The following ZPBP variants were observed in gnomAD, a reference collection of about 807,000 sequenced individuals.
ZPBP encodes zona pellucida-binding protein 1.
Under a neutral mutation model 44.8 loss-of-function variants are expected in ZPBP, and 26 were observed. The observed-to-expected ratio is 0.58, with a 90% CI of 0.43 to 0.81. ZPBP has a LOEUF of 0.81. Ranked by LOEUF, ZPBP falls within the 30% of genes least tolerant of loss-of-function variation. ZPBP has a pLI of 0.00. For synonymous variants in ZPBP, 174 were observed against 153.2 expected (o/e 1.14, Z -1.00); for missense variants, 409 against 434.0 (o/e 0.94, Z 0.51).
chr7:50,076,643 A>G (rs6583425), intron 3 of ZPBP, among the ~76,000 whole-genome samples: 118,508 of 151,542 alleles, frequency 0.78, 46,410 homozygotes, highest in East Asian at 0.88. Flanking sequence ...AAGTAATCCC[A>G]TTTACAACAG....
At chr7:49,973,554 A>G (rs1796383562) in intron 7 of ZPBP, among the ~76,000 whole-genome samples, 1 of 152,154 alleles carries the variant, frequency 6.6e-6, no homozygotes. Context: ...TTCTCCAAAG[A>G]AGATATACAA....
At chr7:49,877,869 T>C (rs1295270585) in intron 2 of ZPBP, among the ~76,000 whole-genome samples, 2 of 152,184 alleles carry the variant, frequency 1.3e-5, no homozygotes, top group African/African-American at 2.4e-5. Flanking sequence ...AACTGCCACT[T>C]TGTCATCATC....
intron 2 of ZPBP, among the ~76,000 whole-genome samples, chr7:49,859,363 CA>C (rs1790556476): frequency 6.6e-6 from 1 of 152,042 alleles, no homozygotes; most frequent in South Asian, 2.1e-4. Context: ...CCTTAGGTAA[CA>C]AGGCTGTTCT....
intron 4 of ZPBP, among the ~76,000 whole-genome samples, chr7:50,036,304 C>T (rs1799824182): frequency 6.6e-6 from 1 of 152,152 alleles, no homozygotes; most frequent in African/African-American, 2.4e-5. Flanking sequence ...CAGGCGCCTG[C>T]CACTGAGCTG....
intron 6 of ZPBP, among the ~76,000 whole-genome samples, chr7:50,000,040 C>T (rs1322123091): frequency 6.6e-6 from 1 of 151,934 alleles, no homozygotes; most frequent in Non-Finnish European, 1.5e-5. Context: ...AGATGTAAGG[C>T]TTCTACACTT....
chr7:49,863,211 A>G (rs1338213651), intron 2 of ZPBP, among the ~76,000 whole-genome samples: 1 of 152,074 alleles, frequency 6.6e-6, no homozygotes, highest in South Asian at 2.1e-4. Flanking sequence ...GTTTCTAGGA[A>G]TTTGTCCATT....
At chr7:49,883,274 C>A (rs996069290) in intron 2 of ZPBP, among the ~76,000 whole-genome samples, 24 of 151,898 alleles carry the variant, frequency 1.6e-4, no homozygotes, top group Admixed American at 1.4e-3. Flanking sequence ...CCAGAATAGG[C>A]GAATCCAGGG....
intron 5 of ZPBP, 152 bp from the exon 6 acceptor site, chr7:50,018,468 A>G: frequency 1.7e-6 from 1 of 581,032 alleles, no homozygotes. Context: ...TCAGCAAAAA[A>G]CCTAAGTCAA....
intron 7 of ZPBP, among the ~76,000 whole-genome samples, chr7:49,952,369 T>C (rs1315858566): frequency 6.6e-6 from 1 of 152,106 alleles, no homozygotes; most frequent in East Asian, 1.9e-4. Context: ...GTGGATTTAA[T>C]GAATGACATA....
chr7:50,044,149 G>C (rs1395491026), intron 4 of ZPBP, among the ~76,000 whole-genome samples: 4 of 152,070 alleles, frequency 2.6e-5, no homozygotes, highest in Non-Finnish European at 5.9e-5. Flanking sequence ...AGAATCTCTG[G>C]GACACAGCTA....
intron 2 of ZPBP, among the ~76,000 whole-genome samples, chr7:49,881,906 C>G (rs1338321095): frequency 6.6e-6 from 1 of 151,914 alleles, no homozygotes; most frequent in African/African-American, 2.4e-5. Context: ...TAGGTATACT[C>G]AATTTCCAAT....
intron 2 of ZPBP, among the ~76,000 whole-genome samples, chr7:49,890,721 A>C (rs1001850984): frequency 2.7e-5 from 2 of 74,938 alleles, no homozygotes; most frequent in Admixed American, 2.2e-4. Context: ...ATTAAAACAC[A>C]AAGCAAAACA....
At chr7:49,945,942 G>A (rs1237230448) in intron 7 of ZPBP, among the ~76,000 whole-genome samples, 2 of 151,782 alleles carry the variant, frequency 1.3e-5, no homozygotes, top group African/African-American at 4.8e-5. Context: ...TTTTAGTGAA[G>A]GTGATTTTCT....
chr7:49,990,911 A>G (rs1797542452), intron 6 of ZPBP, among the ~76,000 whole-genome samples: 1 of 152,170 alleles, frequency 6.6e-6, no homozygotes, highest in Non-Finnish European at 1.5e-5. Context: ...GAAGGCAGCA[A>G]CTAGCATTAT....
chr7:50,005,321 A>C (rs997822312), intron 6 of ZPBP, among the ~76,000 whole-genome samples: 21 of 152,030 alleles, frequency 1.4e-4, no homozygotes, highest in Non-Finnish European at 2.4e-4. Context: ...TAAAAATATA[A>C]AGTAATTCTG....
chr7:50,085,632 C>T (rs1326878621), intron 2 of ZPBP, among the ~76,000 whole-genome samples: 2 of 152,026 alleles, frequency 1.3e-5, no homozygotes, highest in Non-Finnish European at 2.9e-5. Context: ...AAAGGCTGCC[C>T]GTACTTGACC....
At chr7:49,968,752 C>G (rs980642886) in intron 7 of ZPBP, among the ~76,000 whole-genome samples, 8 of 151,850 alleles carry the variant, frequency 5.3e-5, no homozygotes, top group Non-Finnish European at 1.0e-4. Flanking sequence ...CATAATATCA[C>G]AGCTATTAGT....
At chr7:49,849,248 T>A (rs1334086588), downstream of ZPBP, among the ~76,000 whole-genome samples, 1 of 152,196 alleles carries the variant, frequency 6.6e-6, no homozygotes, top group Non-Finnish European at 1.5e-5. Flanking sequence ...GCTTTTGTCT[T>A]TTATGAATGA....
At chr7:49,883,831 A>G (rs898155584) in intron 2 of ZPBP, among the ~76,000 whole-genome samples, 14 of 152,356 alleles carry the variant, frequency 9.2e-5, no homozygotes, top group African/African-American at 3.4e-4. Flanking sequence ...ATTCATAGAC[A>G]TACCCTAGTG....
Sources: gnomAD v4.1 joint callset for allele counts (sites outside exome capture counted in the v4.1 genomes callset) on GRCh38, gnomAD v4.1.1 for gene constraint, MANE v1.5 for transcripts, NCBI Gene and HGNC (gene_info 2026-07-23, HGNC 2026-07-21) for gene names.